SGCZ: variants seen among roughly 807,000 people sequenced by gnomAD.
SGCZ encodes the protein zeta-sarcoglycan.
Under a neutral mutation model 41.3 loss-of-function variants are expected in SGCZ, and 40 were observed. The ratio of observed to expected loss-of-function variants is 0.97; its 90% CI spans 0.75 to 1.26. The LOEUF (loss-of-function observed/expected upper bound fraction) is 1.26, where lower values mean the gene tolerates loss of function less well. Ranked by LOEUF, SGCZ falls within the 50% of genes most tolerant of loss-of-function variation. The pLI is 0.00. For missense variants in SGCZ, 552 were observed against 369.8 expected (o/e 1.49, Z -4.04); for synonymous variants, 206 against 137.5 (o/e 1.50, Z -3.49).
At chr8:14,500,877 G>C (rs1802132456) in intron 2 of SGCZ, among the ~76,000 whole-genome samples, 1 of 151,670 alleles carries the variant, frequency 6.6e-6, no homozygotes, top group Non-Finnish European at 1.5e-5. Flanking sequence ...ACAAAAAGTA[G>C]TTCAGGAAAA....
intron 1 of SGCZ, among the ~76,000 whole-genome samples, chr8:14,627,788 C>T (rs1806512900): frequency 6.6e-6 from 1 of 151,814 alleles, no homozygotes; most frequent in African/African-American, 2.4e-5. Flanking sequence ...CGTCTGCTGA[C>T]CTCAAAGTCC....
intron 1 of SGCZ, among the ~76,000 whole-genome samples, chr8:15,164,537 G>T (rs1047315151): frequency 1.3e-5 from 2 of 151,840 alleles, no homozygotes; most frequent in Admixed American, 6.6e-5. Context: ...CTCCGTGGTG[G>T]AAGAACCACT....
rs184211527 is a variant in SGCZ, at chr8:14,204,362, C to T, written c.424+33230G>A. Among the ~76,000 whole-genome samples the T allele has an allele frequency of 1.4e-4, 21 of 151,636 alleles. No individual in the cohort carries two copies. In the East Asian group the frequency reaches 3.7e-3, roughly 27 times the overall value. ...CCAGCATTACCCAGAACATGGAATG[C>T]GACATTCTGTCTTTTCCCTGATTTG... On this transcript the variant is annotated intron_variant, in intron 4 of 7. Coordinates refer to ENST00000382080, the MANE Select transcript of SGCZ (RefSeq NM_139167.4).
At chr8:14,577,107 C>T (rs1372570872) in intron 1 of SGCZ, among the ~76,000 whole-genome samples, 2 of 152,206 alleles carry the variant, frequency 1.3e-5, no homozygotes, top group Non-Finnish European at 2.9e-5. Context: ...TAACATATCA[C>T]TAAACACCTA....
At chr8:14,669,168 C>T (rs1047869016) in intron 1 of SGCZ, among the ~76,000 whole-genome samples, 1 of 142,320 alleles carries the variant, frequency 7.0e-6, no homozygotes, top group Non-Finnish European at 1.5e-5. Flanking sequence ...AACCTCGTCT[C>T]TACAAACACA....
chr8:14,668,907 C>T (rs915799765), intron 1 of SGCZ, among the ~76,000 whole-genome samples: 1 of 140,186 alleles, frequency 7.1e-6, no homozygotes, highest in Non-Finnish European at 1.5e-5. Context: ...ATCTACCACT[C>T]AGTTATTTTC....
chr8:14,790,081 T>C (rs989199019), intron 1 of SGCZ, among the ~76,000 whole-genome samples: 6 of 152,192 alleles, frequency 3.9e-5, no homozygotes, highest in Non-Finnish European at 7.4e-5. Flanking sequence ...ATACTGTCAA[T>C]TTATTTACAT....
intron 1 of SGCZ, among the ~76,000 whole-genome samples, chr8:14,635,456 T>C (rs1806797698): frequency 6.6e-6 from 1 of 151,998 alleles, no homozygotes; most frequent in Non-Finnish European, 1.5e-5. Flanking sequence ...AAGTGTTATG[T>C]GACAACTACA....
chr8:14,090,944 C>T (rs938231961), intron 7 of SGCZ, among the ~76,000 whole-genome samples: 1 of 151,914 alleles, frequency 6.6e-6, no homozygotes, highest in Non-Finnish European at 1.5e-5. Context: ...ATGATTTTGA[C>T]AGTCTCTCAA....
At chr8:14,102,124 G>C (rs1802049113) in intron 7 of SGCZ, among the ~76,000 whole-genome samples, 2 of 144,496 alleles carry the variant, frequency 1.4e-5, no homozygotes, top group Non-Finnish European at 3.0e-5. Context: ...TTTTTTAGTA[G>C]AGATGGGGTT....
intron 1 of SGCZ, among the ~76,000 whole-genome samples, chr8:15,177,359 T>C (rs1800031525): frequency 6.6e-6 from 1 of 152,166 alleles, no homozygotes; most frequent in Admixed American, 6.5e-5. Context: ...GCTGGTGGGC[T>C]AAAATATGTT....
chr8:14,095,449 T>A (rs1050877516), intron 7 of SGCZ, among the ~76,000 whole-genome samples: 1 of 152,144 alleles, frequency 6.6e-6, no homozygotes, highest in African/African-American at 2.4e-5. Flanking sequence ...TATGGTGTTA[T>A]TTCTGAGGCC....
intron 2 of SGCZ, among the ~76,000 whole-genome samples, chr8:14,436,239 G>A (rs1055823075): frequency 1.3e-5 from 2 of 152,174 alleles, no homozygotes; most frequent in Admixed American, 6.5e-5. Flanking sequence ...CACAGACCCT[G>A]GCGATGAGCC....
At chr8:14,724,567 T>C (rs1302656196) in intron 1 of SGCZ, among the ~76,000 whole-genome samples, 3 of 151,828 alleles carry the variant, frequency 2.0e-5, no homozygotes, top group Non-Finnish European at 4.4e-5. Context: ...ACAATCACTA[T>C]ATTGAAATTC....
At chr8:15,069,029 C>T (rs754669483) in intron 1 of SGCZ, among the ~76,000 whole-genome samples, 5 of 152,140 alleles carry the variant, frequency 3.3e-5, no homozygotes, top group Admixed American at 6.5e-5. Context: ...TGGACAAAAA[C>T]GGGCTACTGC....
At chr8:14,395,539 G>A (rs928995574) in intron 2 of SGCZ, among the ~76,000 whole-genome samples, 4 of 152,122 alleles carry the variant, frequency 2.6e-5, no homozygotes, top group Non-Finnish European at 5.9e-5. Context: ...ACTAGGTGAA[G>A]GTACGGCTAC....
chr8:14,963,292 A>G (rs1801022858), intron 1 of SGCZ, among the ~76,000 whole-genome samples: 1 of 152,092 alleles, frequency 6.6e-6, no homozygotes, highest in Non-Finnish European at 1.5e-5. Context: ...ACAGTTCCAA[A>G]CAGTGGAAGC....
At chr8:14,293,740 T>G (rs1800921571) in intron 3 of SGCZ, among the ~76,000 whole-genome samples, 1 of 152,020 alleles carries the variant, frequency 6.6e-6, no homozygotes, top group Non-Finnish European at 1.5e-5. Flanking sequence ...AGATGTAGAA[T>G]TCTTTTCTAA....
At chr8:14,266,205 A>G (rs1799858998) in intron 3 of SGCZ, among the ~76,000 whole-genome samples, 1 of 152,134 alleles carries the variant, frequency 6.6e-6, no homozygotes, top group Non-Finnish European at 1.5e-5. Context: ...CTGGAAGATT[A>G]CCGATTCATA....
Sources: gnomAD v4.1 joint callset for allele counts (sites outside exome capture counted in the v4.1 genomes callset) on GRCh38, gnomAD v4.1.1 for gene constraint, MANE v1.5 for transcripts, NCBI Gene and HGNC (gene_info 2026-07-23, HGNC 2026-07-21) for gene names.